Variants in EFR3B observed in about 807,000 individuals in gnomAD.
The protein encoded by EFR3B is EFR3 homolog B.
Under a neutral mutation model 104.7 loss-of-function variants are expected in EFR3B, and 64 were observed. The observed-to-expected ratio is 0.61, with a 90% CI of 0.50 to 0.75. The LOEUF (loss-of-function observed/expected upper bound fraction) is 0.75, where lower values mean the gene tolerates loss of function less well. Ranked by LOEUF, EFR3B falls within the 30% of genes least tolerant of loss-of-function variation. EFR3B has a pLI of 0.00. For synonymous variants in EFR3B, 385 were observed against 417.9 expected (o/e 0.92, Z 0.96); for missense variants, 750 against 1,078.5 (o/e 0.70, Z 4.27).
At chr2:25,097,587 C>T (rs964231965) in intron 3 of EFR3B, among the ~76,000 whole-genome samples, 3 of 152,128 alleles carry the variant, frequency 2.0e-5, no homozygotes, top group Non-Finnish European at 2.9e-5. Context: ...GACTCTGGCT[C>T]ATAGGTGTTT....
chr2:25,059,215 C>G (rs1668112161), intron 1 of EFR3B, among the ~76,000 whole-genome samples: 1 of 151,294 alleles, frequency 6.6e-6, no homozygotes, highest in South Asian at 2.1e-4. Flanking sequence ...TGGGACCAAG[C>G]CATTCTCTTG....
intron 19 of EFR3B, among the ~76,000 whole-genome samples, chr2:25,148,532 A>T (rs1349028913): frequency 6.6e-6 from 1 of 151,648 alleles, no homozygotes; most frequent in Non-Finnish European, 1.5e-5. Flanking sequence ...TGTGATTCCA[A>T]GCATGAGCCA....
chr2:25,093,154 G>T (rs753036713), intron 3 of EFR3B, 24 bp downstream of exon 3: 1 of 1,550,650 alleles, frequency 6.4e-7, no homozygotes, highest in South Asian at 1.2e-5. Flanking sequence ...AAGAGAGGGA[G>T]AGAGATTGTC....
intron 1 of EFR3B, among the ~76,000 whole-genome samples, chr2:25,068,949 T>TC (rs1216886651): frequency 8.2e-4 from 116 of 142,118 alleles, no homozygotes; most frequent in African/African-American, 3.0e-3. Context: ...TTTTTTTTTT[T>TC]CTGAGACAGA....
chr2:25,069,937 T>TCTG (rs1377073660), intron 1 of EFR3B, among the ~76,000 whole-genome samples: 1 of 152,234 alleles, frequency 6.6e-6, no homozygotes, highest in African/African-American at 2.4e-5. Flanking sequence ...GACCTCGTGA[T>TCTG]CTGCCTGCCT....
At chr2:25,066,652 C>T (rs1244804249) in intron 1 of EFR3B, among the ~76,000 whole-genome samples, 1 of 152,248 alleles carries the variant, frequency 6.6e-6, no homozygotes, top group Non-Finnish European at 1.5e-5. Context: ...CTCAGTGACA[C>T]TTGTGCTTCC....
intron 6 of EFR3B, among the ~76,000 whole-genome samples, chr2:25,128,877 G>A (rs1573223597): frequency 1.4e-5 from 2 of 145,146 alleles, no homozygotes; most frequent in Non-Finnish European, 3.0e-5. Context: ...GCAGGAGAAC[G>A]GGAGCCCGGG....
intron 4 of EFR3B, among the ~76,000 whole-genome samples, chr2:25,113,794 G>A (rs975894296): frequency 6.6e-6 from 1 of 152,172 alleles, no homozygotes; most frequent in Non-Finnish European, 1.5e-5. Flanking sequence ...GAGAAAATGA[G>A]GAGGCAGTGC....
chr2:25,076,384 A>G (rs1668634050), intron 1 of EFR3B, among the ~76,000 whole-genome samples: 2 of 152,206 alleles, frequency 1.3e-5, no homozygotes, highest in African/African-American at 4.8e-5. Context: ...GAAAGCTAAC[A>G]ATTACTGAGT....
intron 1 of EFR3B, among the ~76,000 whole-genome samples, chr2:25,086,686 G>T (rs528553037): frequency 3.9e-5 from 6 of 152,170 alleles, no homozygotes; most frequent in South Asian, 4.2e-4. Flanking sequence ...TCTGCCTCCT[G>T]GGTTCAAGTG....
chr2:25,081,532 A>C, intron 1 of EFR3B: 1 of 1,120,104 alleles, frequency 8.9e-7, no homozygotes, highest in Non-Finnish European at 1.4e-6. Context: ...ATGTAGTGAG[A>C]GATTCCTGTG....
chr2:25,125,656 A>G (rs1670141919), intron 5 of EFR3B, among the ~76,000 whole-genome samples: 1 of 152,092 alleles, frequency 6.6e-6, no homozygotes, highest in African/African-American at 2.4e-5. Flanking sequence ...CCCAGTTAAA[A>G]CCAAAGTTAA....
chr2:25,079,989 T>C, intron 1 of EFR3B: 1 of 1,027,000 alleles, frequency 9.7e-7, no homozygotes, highest in Non-Finnish European at 1.5e-6. Context: ...TCTAGCAGTT[T>C]CCTCCAAGTC....
At chr2:25,133,531 G>C in intron 12 of EFR3B, 97 bp downstream of exon 12, 1 of 1,262,946 alleles carries the variant, frequency 7.9e-7, no homozygotes, top group Non-Finnish European at 1.1e-6. Context: ...CGTGCATGTG[G>C]CATACTGCAC....
At chr2:25,049,163 C>T (rs537822923) in intron 1 of EFR3B, among the ~76,000 whole-genome samples, 1 of 152,246 alleles carries the variant, frequency 6.6e-6, no homozygotes, top group South Asian at 2.1e-4. Flanking sequence ...CTCTCGAGAG[C>T]GTTCAATATT....
chr2:25,099,557 A>G (rs1669374931), intron 3 of EFR3B, among the ~76,000 whole-genome samples: 1 of 151,670 alleles, frequency 6.6e-6, no homozygotes, highest in South Asian at 2.1e-4. Context: ...ACATTTTATA[A>G]AAGTGGAAAA....
chr2:25,145,144 G>C (rs930436997), intron 19 of EFR3B, 93 bp downstream of exon 19: 2 of 1,149,556 alleles, frequency 1.7e-6, no homozygotes, highest in Non-Finnish European at 1.3e-6. Context: ...TGGGCTTAAG[G>C]CTGCATGGAA....
chr2:25,049,952 TAAAAAAAAAAAAA>T (rs59279308), intron 1 of EFR3B, among the ~76,000 whole-genome samples: 3 of 104,868 alleles, frequency 2.9e-5, no homozygotes, highest in African/African-American at 1.0e-4. Flanking sequence ...ACATTTCTAC[TAAAAAAAAAAAAA>T]AAAAAAAATA....
rs1169586761 is a variant in EFR3B, at chr2:25,132,972, C to T, written c.1217C>T (p.Pro406Leu). The T allele has an allele frequency of 4.5e-6, 7 of 1,551,554 alleles. No homozygotes were observed. The highest frequency in any genetic ancestry group is 2.4e-5 in the East Asian group (1 of 40,932). The change falls in exon 11 of 23, where the codon CCG becomes CTG. Residue 406 changes from proline to leucine, a missense_variant. By Grantham distance (98) the Pro-to-Leu change is moderately conservative (BLOSUM62 -3). Coordinates refer to ENST00000403714, the MANE Select transcript of EFR3B (RefSeq NM_014971.2). ...EVILFIMSKV[P>L]RPSLHQAVDT... ...ATCCTCTTCATCATGAGCAAGGTCCCGCGGCCATCCCTGCACCAGGCGGTG... is the reference window on the plus strand; with the variant it reads ...ATCCTCTTCATCATGAGCAAGGTCCTGCGGCCATCCCTGCACCAGGCGGTG...
Sources: allele counts gnomAD v4.1 joint callset (sites outside exome capture counted in the v4.1 genomes callset), GRCh38; gene constraint gnomAD v4.1.1; transcripts MANE v1.5; gene names NCBI Gene and HGNC (gene_info 2026-07-23, HGNC 2026-07-21).